GRIA4: variants seen among roughly 807,000 people sequenced by gnomAD.
GRIA4 encodes glutamate ionotropic receptor AMPA type subunit 4, also known as glutamate receptor 4.
In GRIA4, 34 loss-of-function variants were observed where a neutral mutation model predicts 104.0. The observed-to-expected ratio is 0.33, with a 90% CI of 0.25 to 0.44. GRIA4 has a LOEUF of 0.44. GRIA4 is among the 20% of genes least tolerant of loss of function. The probability of loss-of-function intolerance (pLI) is 1.00; values close to 1 mark genes in which losing one functional copy is unlikely to be tolerated. For missense variants in GRIA4, 750 were observed against 1,096.5 expected (o/e 0.68, Z 4.46); for synonymous variants, 386 against 381.9 (o/e 1.01, Z -0.13).
intron 4 of GRIA4, among the ~76,000 whole-genome samples, chr11:105,792,131 AAAAGCAGG>A (rs1359088260): frequency 6.6e-6 from 1 of 152,184 alleles, no homozygotes; most frequent in Non-Finnish European, 1.5e-5. Flanking sequence ...TTCTCATAGG[AAAAGCAGG>A]AATAAAATAA....
chr11:105,656,557 A>C (rs1048940541), intron 3 of GRIA4, among the ~76,000 whole-genome samples: 14 of 152,162 alleles, frequency 9.2e-5, no homozygotes, highest in African/African-American at 3.1e-4. Flanking sequence ...TCTCCACAGC[A>C]AAAGAAACTA....
intron 13 of GRIA4, among the ~76,000 whole-genome samples, chr11:105,932,519 G>A (rs1004344111): frequency 5.3e-5 from 8 of 152,078 alleles, no homozygotes; most frequent in African/African-American, 1.9e-4. Flanking sequence ...AAAAATGTGC[G>A]AATGAAAAAT....
At chr11:105,691,935 CAAA>C (rs202074069) in intron 3 of GRIA4, among the ~76,000 whole-genome samples, 2 of 76,316 alleles carry the variant, frequency 2.6e-5, no homozygotes, top group Admixed American at 1.6e-4. Context: ...AACTCCGTCT[CAAA>C]AAAAAAAAAA....
chr11:105,625,096 A>G (rs929932577), intron 3 of GRIA4, among the ~76,000 whole-genome samples: 5 of 152,200 alleles, frequency 3.3e-5, no homozygotes, highest in Admixed American at 3.3e-4. Context: ...TAGTCTCTGT[A>G]TCTTGTATAT....
At chr11:105,690,564 T>A (rs1445861137) in intron 3 of GRIA4, among the ~76,000 whole-genome samples, 1 of 152,152 alleles carries the variant, frequency 6.6e-6, no homozygotes, top group Admixed American at 6.5e-5. Context: ...AGAAAAGATA[T>A]TCCTGAAGCA....
intron 13 of GRIA4, among the ~76,000 whole-genome samples, chr11:105,928,300 T>C (rs1406502279): frequency 6.6e-6 from 1 of 152,016 alleles, no homozygotes; most frequent in African/African-American, 2.4e-5. Flanking sequence ...TTTGGAGTAT[T>C]ATTAGGTATA....
intron 4 of GRIA4, among the ~76,000 whole-genome samples, chr11:105,843,284 T>G (rs999826585): frequency 6.6e-6 from 1 of 152,198 alleles, no homozygotes; most frequent in African/African-American, 2.4e-5. Context: ...GGAATTTGCT[T>G]GCCTAATAGG....
chr11:105,645,611 A>G (rs1459804802), intron 3 of GRIA4, among the ~76,000 whole-genome samples: 2 of 152,182 alleles, frequency 1.3e-5, no homozygotes, highest in Non-Finnish European at 2.9e-5. Context: ...TTTTAGGGTA[A>G]CTCTACAAAA....
intron 4 of GRIA4, among the ~76,000 whole-genome samples, chr11:105,840,787 T>C (rs915057516): frequency 1.3e-5 from 2 of 152,206 alleles, no homozygotes; most frequent in African/African-American, 4.8e-5. Context: ...AGCTACAGTC[T>C]CCTAAAAAAG....
intron 11 of GRIA4, among the ~76,000 whole-genome samples, chr11:105,922,302 T>C (rs1015279768): frequency 1.3e-5 from 2 of 152,176 alleles, no homozygotes; most frequent in African/African-American, 4.8e-5. Context: ...AGAACTTTTC[T>C]GAGGTTTAAA....
intron 3 of GRIA4, among the ~76,000 whole-genome samples, chr11:105,714,756 T>C (rs1178720652): frequency 6.6e-6 from 1 of 152,092 alleles, no homozygotes; most frequent in Non-Finnish European, 1.5e-5. Context: ...AACAGAATAA[T>C]TATTTGATCT....
intron 13 of GRIA4, among the ~76,000 whole-genome samples, chr11:105,932,470 T>C (rs910601234): frequency 6.6e-6 from 1 of 152,152 alleles, no homozygotes; most frequent in Non-Finnish European, 1.5e-5. Context: ...TGCTTTCCTA[T>C]ATTAATAAAT....
chr11:105,679,773 A>G (rs1952652423), intron 3 of GRIA4, among the ~76,000 whole-genome samples: 1 of 152,160 alleles, frequency 6.6e-6, no homozygotes, highest in Admixed American at 6.6e-5. Flanking sequence ...TGTAGTTCGT[A>G]TTTATAACAA....
At chr11:105,805,210 G>T (rs1211585680) in intron 4 of GRIA4, among the ~76,000 whole-genome samples, 1 of 151,662 alleles carries the variant, frequency 6.6e-6, no homozygotes, top group Admixed American at 6.6e-5. Flanking sequence ...GGAATGAGTA[G>T]GCTAAAAAGA....
intron 7 of GRIA4, among the ~76,000 whole-genome samples, chr11:105,900,908 G>T (rs1384773729): frequency 6.6e-6 from 1 of 152,008 alleles, no homozygotes; most frequent in Non-Finnish European, 1.5e-5. Flanking sequence ...ACAGCAGGGT[G>T]ATTACAATCA....
At chr11:105,695,463 T>C (rs1171980860) in intron 3 of GRIA4, among the ~76,000 whole-genome samples, 1 of 89,810 alleles carries the variant, frequency 1.1e-5, no homozygotes, top group African/African-American at 3.7e-5. Flanking sequence ...TGTGTGTCTG[T>C]GTGTGTGTGT....
intron 3 of GRIA4, among the ~76,000 whole-genome samples, chr11:105,614,787 A>T (rs1162509495): frequency 6.6e-6 from 1 of 152,040 alleles, no homozygotes; most frequent in East Asian, 1.9e-4. Flanking sequence ...TCAATAGTCA[A>T]GAGTGTGGGT....
intron 3 of GRIA4, among the ~76,000 whole-genome samples, chr11:105,694,537 ATAT>A (rs995568293): frequency 6.6e-6 from 1 of 152,066 alleles, no homozygotes; most frequent in African/African-American, 2.4e-5. Flanking sequence ...ATCAACATAA[ATAT>A]TATTAATTAT....
At chr11:105,624,770 C>CA (rs1268891780) in intron 3 of GRIA4, among the ~76,000 whole-genome samples, 2 of 151,910 alleles carry the variant, frequency 1.3e-5, no homozygotes, top group African/African-American at 4.8e-5. Context: ...TCTGTTAAGT[C>CA]AAAATGTTAC....
Sources: gnomAD v4.1 joint callset for allele counts (sites outside exome capture counted in the v4.1 genomes callset) on GRCh38, gnomAD v4.1.1 for gene constraint, MANE v1.5 for transcripts, NCBI Gene and HGNC (gene_info 2026-07-23, HGNC 2026-07-21) for gene names.